Variants in PTPN7 observed in about 807,000 individuals in gnomAD.
The protein encoded by PTPN7 is tyrosine-protein phosphatase non-receptor type 7.
A neutral mutation model predicts 50.3 loss-of-function variants in PTPN7; 33 were observed. The observed-to-expected ratio is 0.66, with a 90% CI of 0.50 to 0.88. The LOEUF is 0.88. Ranked by LOEUF, PTPN7 falls within the 40% of genes least tolerant of loss-of-function variation. The probability of loss-of-function intolerance (pLI) is 0.00; values close to 1 mark genes in which losing one functional copy is unlikely to be tolerated. For missense variants in PTPN7, 412 were observed against 475.4 expected, an observed-to-expected ratio of 0.87 and a Z score of 1.24; for synonymous variants, 185 against 186.6, an observed-to-expected ratio of 0.99 and a Z score of 0.07.
rs981821229 is a variant in PTPN7, at chr1:202,159,762, G to A, written c.-52-308C>T. The A allele has an allele frequency of 2.2e-5, 28 of 1,267,282 alleles. No homozygotes were observed. The African/African-American group carries it at 3.6e-4, about 16-fold the overall frequency. 78.5% of individuals were successfully genotyped at this position (1,267,282 alleles called of 1,614,324 possible). A position where few individuals can be genotyped will look rare whatever the true frequency, so the allele number is the denominator to read the frequency against. On this transcript the variant is annotated intron_variant, in intron 1 of 9. Coordinates refer to ENST00000691036, the MANE Select transcript of PTPN7 (RefSeq NM_002832.4). The surrounding 1 kb of genome is among the most constrained non-coding windows in gnomAD (Gnocchi z 4.6). ...CCAGAGTACACAGGGCTCTGAGCAGGTCCAAGTGGGAGAAGGCAAGGGAGG... is the reference window on the plus strand; with the variant it reads ...CCAGAGTACACAGGGCTCTGAGCAGATCCAAGTGGGAGAAGGCAAGGGAGG...
chr1:202,157,713 CCCTT>C (rs770530787), intron 4 of PTPN7, 22 bp downstream of exon 4: 14 of 1,593,256 alleles, frequency 8.8e-6, no homozygotes, highest in Non-Finnish European at 1.2e-5. Flanking sequence ...GTACCCGACT[CCCTT>C]CATCCCAGCA....
At chr1:202,156,003 A>G (rs6664530) in intron 4 of PTPN7, among the ~76,000 whole-genome samples, 20,340 of 152,074 alleles carry the variant, frequency 0.13, 2,527 homozygotes, top group African/African-American at 0.33. Context: ...TGAATTTCTG[A>G]CTTCAAGCAA....
At position 202,159,251 on chromosome 1, in the gene PTPN7, G is replaced by A. The variant is rs370305866; in HGVS notation, c.122+30C>T. On this transcript the variant is annotated intron_variant, in intron 2 of 9. Coordinates refer to ENST00000691036, the MANE Select transcript of PTPN7 (RefSeq NM_002832.4). The surrounding 1 kb of genome is among the most constrained non-coding windows in gnomAD (Gnocchi z 4.6). Reference sequence around the variant, plus strand: ...GGAGCGGAATGGGGGCTCAGGGCTCGGAAGACCCCTCCCCCAGGGAAGATC... The same window carrying A: ...GGAGCGGAATGGGGGCTCAGGGCTCAGAAGACCCCTCCCCCAGGGAAGATC... 443 of 1,605,002 alleles carry A rather than the reference G, an allele frequency of 2.8e-4. No individual in the cohort carries two copies. The highest frequency in any genetic ancestry group is 3.3e-4 in the Non-Finnish European group (390 of 1,172,732).
rs748985219 is a variant in PTPN7, at chr1:202,158,117, C to T, written c.306+1G>A. ...ATTCAGAGGGGACCCCAATTTCTTA[C>T]CAAGAATTCTTCTTCCAGTTGCTTG... On this transcript the variant is annotated splice_donor_variant, in intron 3 of 9. Transcript: ENST00000691036. LOFTEE classifies it high-confidence loss of function. 11 of 1,587,156 alleles carry T rather than the reference C, an allele frequency of 6.9e-6. No individual in the cohort carries two copies. The highest frequency in any genetic ancestry group is 8.6e-6 in the Non-Finnish European group (10 of 1,167,586).
chr1:202,154,064 G>T, intron 6 of PTPN7, 122 bp downstream of exon 6: 1 of 1,412,790 alleles, frequency 7.1e-7, no homozygotes, highest in African/African-American at 1.4e-5. Flanking sequence ...CTTTCTGAGA[G>T]GTATGAGCTG....
Position 202,159,054 on chromosome 1 carries a change from G to T in PTPN7, c.122+227C>A. 1 of 565,900 alleles carries T rather than the reference G, an allele frequency of 1.8e-6. No individual in the cohort carries two copies. Among genetic ancestry groups the T allele is most frequent in the Non-Finnish European group, 3.2e-6 (1 of 317,268 alleles). The allele number at this position is 565,900 out of a possible 1,614,324, so 35.1% of individuals were successfully genotyped here. ...GCATCCAGCACCAAGAAGGCTGTGG[G>T]CCTTGCCTGGAATTTAGGGAGCAGG... On this transcript the variant is annotated intron_variant, in intron 2 of 9. Coordinates refer to ENST00000691036, the MANE Select transcript of PTPN7 (RefSeq NM_002832.4). The surrounding 1 kb of genome is among the most constrained non-coding windows in gnomAD (Gnocchi z 4.6).
intron 5 of PTPN7, 144 bp downstream of exon 5, chr1:202,155,389 C>G (rs1015105469): frequency 2.3e-5 from 18 of 798,772 alleles, no homozygotes; most frequent in Non-Finnish European, 3.4e-5. Context: ...ACCAGCCCAG[C>G]TTGGTAGGGC....
rs1407229169 is a variant in PTPN7 at position 202,148,433 on chromosome 1, G to A, written c.*173C>T. The A allele has an allele frequency of 1.5e-5, 8 of 540,756 alleles. No homozygotes were observed. The highest frequency in any genetic ancestry group is 5.4e-5 in the South Asian group (2 of 36,958). The allele number at this position is 540,756 out of a possible 1,614,324, so 33.5% of individuals were successfully genotyped here. A position where few individuals can be genotyped will look rare whatever the true frequency, so the allele number is the denominator to read the frequency against. ...GGCCAGTGTTGAAGACCTGGAATCC[G>A]GCCCCTTGTCCTTACTGCTGCTGCT... On this transcript the variant is annotated 3_prime_UTR_variant, in exon 10 of 10. Transcript: ENST00000691036.
chr1:202,152,747 T>A, intron 7 of PTPN7, 48 bp from the exon 8 acceptor site: 1 of 1,591,770 alleles, frequency 6.3e-7, no homozygotes, highest in Non-Finnish European at 8.6e-7. Flanking sequence ...TGGAGGGCAC[T>A]GTCTACCTTC....
At chr1:202,154,922 T>C (rs576443943) in intron 5 of PTPN7, among the ~76,000 whole-genome samples, 2 of 152,324 alleles carry the variant, frequency 1.3e-5, no homozygotes, top group East Asian at 3.9e-4. Context: ...CCGGCAAATG[T>C]AAGATCATGT....
At chr1:202,157,880 C>T (rs1656863132) in intron 3 of PTPN7, 57 bp from the exon 4 acceptor site, 1 of 1,530,556 alleles carries the variant, frequency 6.5e-7, no homozygotes, top group Admixed American at 1.7e-5. Context: ...TTCTCTCCTT[C>T]TACCTTTTTC....
In PTPN7 at chr1:202,155,618, T is replaced by C. The variant is rs1461591642; in HGVS notation, c.392-9A>G. 4 of 1,548,006 alleles carry C rather than the reference T, an allele frequency of 2.6e-6. No homozygotes were observed. The highest frequency in any genetic ancestry group is 3.6e-6 in the Non-Finnish European group (4 of 1,120,336). ...GACACGGCTCTGGGGATCTAGGAAA[T>C]AAAAATCAGCAGAGGTCAGAGGTCA... On this transcript the variant is annotated splice_polypyrimidine_tract_variant and intron_variant, in intron 4 of 9. Coordinates refer to ENST00000691036, the MANE Select transcript of PTPN7 (RefSeq NM_002832.4).
chr1:202,161,319 C>T, upstream of PTPN7: 1 of 1,173,054 alleles, frequency 8.5e-7, no homozygotes, highest in Non-Finnish European at 1.1e-6. Flanking sequence ...GTCCGAGGGG[C>T]TTCCCCTGGG....
At chr1:202,151,553 T>C (rs1656009498) in intron 8 of PTPN7, among the ~76,000 whole-genome samples, 1 of 152,332 alleles carries the variant, frequency 6.6e-6, no homozygotes, top group Non-Finnish European at 1.5e-5. Flanking sequence ...GTTTTGCTCT[T>C]GTTGCCCAAC....
At chr1:202,153,578 G>C (rs1656289790) in intron 7 of PTPN7, 147 bp downstream of exon 7, 1 of 650,928 alleles carries the variant, frequency 1.5e-6, no homozygotes, top group South Asian at 1.9e-5. Flanking sequence ...TGAGGACAGT[G>C]CTCAAGTTTC....
At chr1:202,156,739 A>G (rs1030123905) in intron 4 of PTPN7, among the ~76,000 whole-genome samples, 2 of 152,116 alleles carry the variant, frequency 1.3e-5, no homozygotes, top group Non-Finnish European at 2.9e-5. Context: ...GGCAGAGGAC[A>G]CTCCAGGAGG....
chr1:202,158,786 C>CTTT (rs533403948), intron 2 of PTPN7: 15 of 139,134 alleles, frequency 1.1e-4, no homozygotes, highest in Non-Finnish European at 1.4e-4. Flanking sequence ...TGTGTGCCCT[C>CTTT]TTTTTTTTTT....
At chr1:202,154,425 A>C (rs1191267471) in intron 5 of PTPN7, 102 bp from the exon 6 acceptor site, 2 of 1,384,792 alleles carry the variant, frequency 1.4e-6, no homozygotes, top group Admixed American at 4.7e-5. Flanking sequence ...GAAGCTGTGA[A>C]CCACACGTGT....
intron 6 of PTPN7, 106 bp from the exon 7 acceptor site, chr1:202,153,941 G>A: frequency 9.5e-7 from 1 of 1,056,790 alleles, no homozygotes; most frequent in Non-Finnish European, 1.5e-6. Context: ...CTACTGGATG[G>A]GAGGTCAGCA....
Sources: allele counts gnomAD v4.1 joint callset (sites outside exome capture counted in the v4.1 genomes callset), GRCh38; gene constraint gnomAD v4.1.1; non-coding constraint Gnocchi (gnomAD v3.1); transcripts MANE v1.5; gene names NCBI Gene and HGNC (gene_info 2026-07-23, HGNC 2026-07-21).